LETM2: variants seen among roughly 807,000 people sequenced by gnomAD.
LETM2 encodes LETM1 domain-containing protein LETM2, mitochondrial.
LETM2 carries 58 observed loss-of-function variants against 59.6 expected under a neutral mutation model. The observed-to-expected ratio is 0.97, with a 90% CI of 0.79 to 1.21. LETM2 has a LOEUF of 1.21. LETM2 is among the 50% of genes most tolerant of loss of function. LETM2 has a pLI of 0.00. For missense variants in LETM2, 572 were observed against 575.7 expected (o/e 0.99, Z 0.07); for synonymous variants, 199 against 214.1 (o/e 0.93, Z 0.62).
At chr8:38,386,280 C>T (rs1563379033), upstream of LETM2, 1 of 152,334 alleles carries the variant, frequency 6.6e-6, no homozygotes, top group African/African-American at 2.4e-5. Flanking sequence ...AGAAAAACGT[C>T]ACCTTCGGGC....
rs1425102174 is a variant in LETM2, at chr8:38,400,935, T to C, written c.866T>C (p.Leu289Ser). 1.2e-6 allele frequency: 2 copies of C among 1,614,196 alleles called. No individual in the cohort carries two copies. The highest frequency in any genetic ancestry group is 8.5e-7 in the Non-Finnish European group (1 of 1,180,020). The change falls in exon 6 of 11, where the codon TTA becomes TCA. Residue 289 changes from leucine to serine, a missense_variant. Leu to Ser is a moderately radical substitution (Grantham distance 145). Coordinates refer to ENST00000379957, the MANE Select transcript of LETM2 (RefSeq NM_001286819.2). ...GAGGACCAGCTGGCCCTGGAACACTTAGATCGCCCTCAGCTGGTTGCCCTT... is the reference window on the plus strand; with the variant it reads ...GAGGACCAGCTGGCCCTGGAACACTCAGATCGCCCTCAGCTGGTTGCCCTT... ...LFEDQLALEH[L>S]DRPQLVALCK...
intron 2 of LETM2, among the ~76,000 whole-genome samples, chr8:38,391,198 A>C (rs201767210): frequency 1.6e-3 from 198 of 123,314 alleles, no homozygotes; most frequent in African/African-American, 5.6e-3. Flanking sequence ...AAAAAAAAAA[A>C]CAAAAAAAAA....
intron 4 of LETM2, among the ~76,000 whole-genome samples, chr8:38,399,777 C>CAA (rs10683906): frequency 0.27 from 22,757 of 85,094 alleles, 2,702 homozygotes; most frequent in East Asian, 0.36. Flanking sequence ...AACTCCATCT[C>CAA]AAAAAAAAAA....
In LETM2 at chr8:38,403,933, A is replaced by T. The variant is rs114601638; in HGVS notation, c.1105-460A>T. 2.3e-3 allele frequency among the ~76,000 whole-genome samples: 344 copies of T among 152,238 alleles called. 1 individual carries two copies. The highest frequency in any genetic ancestry group is 8.0e-3 in the African/African-American group (333 of 41,532). On this transcript the variant is annotated intron_variant, in intron 7 of 10. Transcript: ENST00000379957. ...GAGTGCAGTGGCACTAACACAGGCC[A>T]CTGCAGCCTCAAACTCCCGGGCTCA...
At chr8:38,407,308 T>C (rs1386614834) in intron 9 of LETM2, 54 bp from the exon 10 acceptor site, 18 of 1,282,132 alleles carry the variant, frequency 1.4e-5, no homozygotes, top group Non-Finnish European at 2.0e-5. Context: ...GACTGTAGAT[T>C]AATACACATT....
At chr8:38,393,805 A>G in intron 3 of LETM2, 1 of 271,684 alleles carries the variant, frequency 3.7e-6, no homozygotes. Flanking sequence ...TAAACAGGAA[A>G]ACCCTGCCTC....
intron 9 of LETM2, 67 bp downstream of exon 9, chr8:38,407,105 C>T (rs1371597021): frequency 2.1e-6 from 2 of 952,988 alleles, no homozygotes; most frequent in Non-Finnish European, 3.4e-6. Context: ...GTCATTTTCT[C>T]CTGTTTTAAT....
intron 2 of LETM2, 90 bp from the exon 3 acceptor site, chr8:38,392,452 T>C: frequency 1.2e-6 from 1 of 826,522 alleles, no homozygotes; most frequent in South Asian, 1.7e-5. Flanking sequence ...CCAGATGTAC[T>C]ATCTATTTCT....
chr8:38,403,920 A>G (rs1466999263), intron 7 of LETM2, among the ~76,000 whole-genome samples: 1 of 152,102 alleles, frequency 6.6e-6, no homozygotes, highest in African/African-American at 2.4e-5. Context: ...GTGCAGTGGC[A>G]CTAACACAGG....
chr8:38,394,867 A>T (rs1398081511), intron 4 of LETM2, among the ~76,000 whole-genome samples: 1 of 145,372 alleles, frequency 6.9e-6, no homozygotes, highest in Non-Finnish European at 1.5e-5. Flanking sequence ...AAAAAAAAAA[A>T]TTCCCTGTGC....
intron 2 of LETM2, among the ~76,000 whole-genome samples, chr8:38,388,426 A>G (rs1811948938): frequency 6.6e-6 from 1 of 151,528 alleles, no homozygotes; most frequent in African/African-American, 2.4e-5. Context: ...GTACACAATT[A>G]AAAGTTTCTT....
At chr8:38,402,494 G>C in intron 6 of LETM2, 31 bp from the exon 7 acceptor site, 1 of 1,609,950 alleles carries the variant, frequency 6.2e-7, no homozygotes, top group Non-Finnish European at 8.5e-7. Context: ...GGAATCAAAA[G>C]TTCCAACTCC....
chr8:38,402,500 A>G, intron 6 of LETM2, 25 bp from the exon 7 acceptor site: 1 of 1,611,886 alleles, frequency 6.2e-7, no homozygotes, highest in South Asian at 1.1e-5. Context: ...AAAAGTTCCA[A>G]CTCCATCCCT....
intron 8 of LETM2, chr8:38,406,678 G>A (rs140292847): frequency 2.6e-4 from 91 of 345,504 alleles, no homozygotes; most frequent in African/African-American, 1.7e-3. Flanking sequence ...AGTGCCATCA[G>A]TGGATTGCTA....
At chr8:38,391,463 CA>C (rs2150415740) in intron 2 of LETM2, among the ~76,000 whole-genome samples, 1 of 151,530 alleles carries the variant, frequency 6.6e-6, no homozygotes, top group South Asian at 2.1e-4. Flanking sequence ...CCACCACGCC[CA>C]GCTAATTTTT....
At chr8:38,387,881 A>G in intron 1 of LETM2, 69 bp from the exon 2 acceptor site, 4 of 691,904 alleles carry the variant, frequency 5.8e-6, no homozygotes, top group Admixed American at 2.7e-5. Context: ...TAAAAACACT[A>G]AAATCCTGAT....
chr8:38,392,909 T>C lies in LETM2; in HGVS notation c.415T>C (p.Leu139=). Residue 139 remains leucine (L), a synonymous_variant, in exon 3 of 11, where the codon TTA becomes CTA. Transcript: ENST00000379957. ...ELKYYYNGFY[L]LWIDAKVAAR... ...AAAATATTATTACAATGGATTCTACTTACTTTGGATTGACGCCAAAGTTGC... is the reference window on the plus strand; with the variant it reads ...AAAATATTATTACAATGGATTCTACCTACTTTGGATTGACGCCAAAGTTGC... 1 of 1,613,532 alleles carries C rather than the reference T, an allele frequency of 6.2e-7. No individual in the cohort carries two copies. Among genetic ancestry groups the C allele is most frequent in the Non-Finnish European group, 8.5e-7 (1 of 1,180,034 alleles).
At chr8:38,400,207 C>T in intron 4 of LETM2, 65 bp from the exon 5 acceptor site, 3 of 1,294,750 alleles carry the variant, frequency 2.3e-6, no homozygotes, top group Non-Finnish European at 1.1e-6. Context: ...TTATTTTTCT[C>T]CCATCTTTAT....
rs1179184834 is a variant in LETM2 at position 38,408,711 on chromosome 8, ATC to A, written c.*438_*439del. 1 of 159,524 alleles carries A rather than the reference ATC, an allele frequency of 6.3e-6. No individual in the cohort carries two copies. Among genetic ancestry groups the A allele is most frequent in the Non-Finnish European group, 1.4e-5 (1 of 72,232 alleles). 9.9% of individuals were successfully genotyped at this position (159,524 alleles called of 1,614,324 possible). On this transcript the variant is annotated 3_prime_UTR_variant, in exon 11 of 11. Transcript: ENST00000379957. ...GAGCACCTGATTAACTTTCTGAATGATCCACCAGTAGGATCAGCACCCTGGAA... is the reference window on the plus strand; with the variant it reads ...GAGCACCTGATTAACTTTCTGAATGACACCAGTAGGATCAGCACCCTGGAA...
Sources: allele counts gnomAD v4.1 joint callset (sites outside exome capture counted in the v4.1 genomes callset), GRCh38; gene constraint gnomAD v4.1.1; transcripts MANE v1.5; gene names NCBI Gene and HGNC (gene_info 2026-07-23, HGNC 2026-07-21).